The following GALNT13 variants were observed in gnomAD, a reference collection of about 807,000 sequenced individuals.
GALNT13 encodes the protein polypeptide N-acetylgalactosaminyltransferase 13.
Under a neutral mutation model 64.2 loss-of-function variants are expected in GALNT13, and 28 were observed. That is an observed-to-expected ratio of 0.44 (90% confidence interval 0.32 to 0.60). The LOEUF is 0.60. Among genes scored for constraint, GALNT13 ranks in the 20% least tolerant of loss-of-function variants. The pLI, the probability that GALNT13 is intolerant of heterozygous loss-of-function variation, is 0.05. For missense variants in GALNT13, 577 were observed against 669.8 expected, an observed-to-expected ratio of 0.86 and a Z score of 1.53; for synonymous variants, 214 against 224.6, an observed-to-expected ratio of 0.95 and a Z score of 0.42.
chr2:153,824,114 C>A, the GALNT13 span, among the ~76,000 whole-genome samples: 1 of 151,944 alleles, frequency 6.6e-6, no homozygotes, highest in African/African-American at 2.4e-5. Flanking sequence ...AAGCCATAAA[C>A]AACAAATGCT....
At chr2:153,234,317 G>C in the GALNT13 span, among the ~76,000 whole-genome samples, 2 of 152,112 alleles carry the variant, frequency 1.3e-5, no homozygotes, top group Admixed American at 6.6e-5. Context: ...CTTGGGAGTT[G>C]GGAGGAAGCC....
At chr2:154,185,460 C>T (rs1047611227) in intron 4 of GALNT13, among the ~76,000 whole-genome samples, 2 of 152,038 alleles carry the variant, frequency 1.3e-5, no homozygotes, top group African/African-American at 4.8e-5. Flanking sequence ...CTTTCTCTAT[C>T]CCTTCCGAGA....
chr2:154,181,617 TA>T (rs932695004), intron 4 of GALNT13, among the ~76,000 whole-genome samples: 8 of 152,078 alleles, frequency 5.3e-5, no homozygotes, highest in Non-Finnish European at 1.0e-4. Context: ...GTTTTAACTA[TA>T]AAATACATTC....
chr2:154,112,268 T>C (rs1217281177), intron 3 of GALNT13, among the ~76,000 whole-genome samples: 2 of 152,194 alleles, frequency 1.3e-5, no homozygotes, highest in African/African-American at 4.8e-5. Flanking sequence ...AAGTCCATGT[T>C]GCTGTGCTGA....
At chr2:153,914,313 G>A (rs979637309) in intron 2 of GALNT13, among the ~76,000 whole-genome samples, 18 of 151,894 alleles carry the variant, frequency 1.2e-4, no homozygotes, top group Admixed American at 3.9e-4. Flanking sequence ...GTGAAACCCC[G>A]TCTCTACTAA....
the GALNT13 span, among the ~76,000 whole-genome samples, chr2:153,353,788 G>A: frequency 6.6e-6 from 1 of 152,018 alleles, no homozygotes; most frequent in African/African-American, 2.4e-5. Flanking sequence ...TTACATACCT[G>A]GAATAATTGC....
the GALNT13 span, among the ~76,000 whole-genome samples, chr2:153,523,916 A>T: frequency 6.6e-6 from 1 of 152,144 alleles, no homozygotes; most frequent in African/African-American, 2.4e-5. Flanking sequence ...ATTAAGTATG[A>T]TGTTAGCTGT....
At chr2:153,292,054 G>A in the GALNT13 span, among the ~76,000 whole-genome samples, 8 of 152,244 alleles carry the variant, frequency 5.3e-5, no homozygotes, top group Admixed American at 1.3e-4. Context: ...TTCTACAGGC[G>A]TTTCTGGTGC....
intron 8 of GALNT13, among the ~76,000 whole-genome samples, chr2:154,263,633 A>C (rs1690820389): frequency 6.6e-6 from 1 of 152,228 alleles, no homozygotes. Flanking sequence ...AATTTTAAAA[A>C]GGAAAAGAAA....
At chr2:154,360,171 A>G (rs1696984274) in intron 9 of GALNT13, among the ~76,000 whole-genome samples, 1 of 152,182 alleles carries the variant, frequency 6.6e-6, no homozygotes, top group African/African-American at 2.4e-5. Flanking sequence ...ATATTCACAT[A>G]TACATATGTT....
chr2:153,538,344 A>ATTTTTTTTTTTTTTTTTTT, the GALNT13 span, among the ~76,000 whole-genome samples: 2 of 68,546 alleles, frequency 2.9e-5, no homozygotes, highest in South Asian at 4.5e-4. Context: ...TTTTTTTTTT[A>ATTTTTTTTTTTTTTTTTTT]CTTTTTTATT....
chr2:153,861,369 G>A, the GALNT13 span, among the ~76,000 whole-genome samples: 19 of 152,136 alleles, frequency 1.2e-4, 1 homozygote, highest in Admixed American at 1.1e-3. Flanking sequence ...AAAGTCTACA[G>A]TTAGTTTGTG....
At chr2:154,417,213 C>T (rs976106536) in intron 11 of GALNT13, among the ~76,000 whole-genome samples, 1 of 150,976 alleles carries the variant, frequency 6.6e-6, no homozygotes, top group African/African-American at 2.4e-5. Flanking sequence ...CTTCATTCCA[C>T]CTTCCTTAAA....
chr2:154,238,297 T>G (rs1645574368), intron 4 of GALNT13, among the ~76,000 whole-genome samples: 1 of 151,988 alleles, frequency 6.6e-6, no homozygotes, highest in Admixed American at 6.6e-5. Context: ...GGAAGAAACT[T>G]CAAATCTACA....
chr2:153,152,770 G>A, the GALNT13 span, among the ~76,000 whole-genome samples: 2 of 152,002 alleles, frequency 1.3e-5, no homozygotes, highest in South Asian at 2.1e-4. Context: ...AGTATTCCTT[G>A]GTGTATATGT....
chr2:153,355,286 ATATT>A, the GALNT13 span, among the ~76,000 whole-genome samples: 1 of 152,190 alleles, frequency 6.6e-6, no homozygotes, highest in Non-Finnish European at 1.5e-5. Flanking sequence ...CATGTAATAT[ATATT>A]ACATTTTTAC....
At chr2:154,331,407 A>G (rs1695161040) in intron 9 of GALNT13, among the ~76,000 whole-genome samples, 2 of 152,046 alleles carry the variant, frequency 1.3e-5, no homozygotes, top group Admixed American at 1.3e-4. Flanking sequence ...AGCTCAAGCC[A>G]TCTTCCCACC....
chr2:153,515,648 G>A, the GALNT13 span, among the ~76,000 whole-genome samples: 2 of 152,154 alleles, frequency 1.3e-5, no homozygotes, highest in African/African-American at 2.4e-5. Context: ...ATAGCTAGAC[G>A]ATTAAGTATA....
chr2:153,129,671 G>A, the GALNT13 span, among the ~76,000 whole-genome samples: 3 of 152,082 alleles, frequency 2.0e-5, no homozygotes, highest in Admixed American at 6.6e-5. Context: ...TACTCAGGGG[G>A]CTGAGGCAGA....
Sources: allele counts gnomAD v4.1 joint callset (sites outside exome capture counted in the v4.1 genomes callset), GRCh38; gene constraint gnomAD v4.1.1; transcripts MANE v1.5; gene names NCBI Gene and HGNC (gene_info 2026-07-23, HGNC 2026-07-21).